CFAP107: variants seen among roughly 807,000 people sequenced by gnomAD.
CFAP107 encodes the protein cilia and flagella associated protein 107, also known as cilia- and flagella-associated protein 107.
the CFAP107 span, chr1:12,746,218 CAAGA>C: frequency 7.0e-6 from 3 of 429,964 alleles, no homozygotes; most frequent in South Asian, 7.2e-5. Flanking sequence ...GTAGAGAATC[CAAGA>C]TAGATCAACT....
chr1:12,750,747 G>A, the CFAP107 span, among the ~76,000 whole-genome samples: 1 of 152,058 alleles, frequency 6.6e-6, no homozygotes, highest in African/African-American at 2.4e-5. Context: ...GGACAGAATT[G>A]AAGGGAGAAA....
the CFAP107 span, among the ~76,000 whole-genome samples, chr1:12,749,781 T>C: frequency 6.6e-6 from 1 of 152,218 alleles, no homozygotes; most frequent in Non-Finnish European, 1.5e-5. Flanking sequence ...GAGGGAGATG[T>C]TAAGACATTC....
chr1:12,759,238 T>C, the CFAP107 span: 1 of 1,547,272 alleles, frequency 6.5e-7, no homozygotes, highest in Non-Finnish European at 8.8e-7. Flanking sequence ...ATGTGGCAGC[T>C]CCTGTCTCCA....
the CFAP107 span, chr1:12,759,684 C>T: frequency 2.9e-6 from 2 of 681,868 alleles, no homozygotes; most frequent in African/African-American, 1.8e-5. Context: ...CTGGGGTAAT[C>T]TTGGCTGTGT....
chr1:12,760,825 C>T, the CFAP107 span: 3 of 1,614,206 alleles, frequency 1.9e-6, no homozygotes, highest in Non-Finnish European at 1.7e-6. Context: ...AGCTCACACC[C>T]AAGGCTGGCC....
At chr1:12,755,665 C>A in the CFAP107 span, 1 of 1,444,276 alleles carries the variant, frequency 6.9e-7, no homozygotes, top group Non-Finnish European at 9.7e-7. Context: ...GAAGTGGCAT[C>A]TCAGAGGTTT....
chr1:12,752,445 C>T, the CFAP107 span, among the ~76,000 whole-genome samples: 21 of 148,920 alleles, frequency 1.4e-4, no homozygotes, highest in South Asian at 3.4e-3. Context: ...ATTAGCTGGG[C>T]ATAGTGGCAT....
At chr1:12,747,924 C>T in the CFAP107 span, among the ~76,000 whole-genome samples, 3 of 152,112 alleles carry the variant, frequency 2.0e-5, no homozygotes, top group African/African-American at 7.2e-5. Flanking sequence ...TCTCATTCCC[C>T]ATGGAAACAT....
chr1:12,753,061 T>C, the CFAP107 span, among the ~76,000 whole-genome samples: 1 of 152,202 alleles, frequency 6.6e-6, no homozygotes, highest in Non-Finnish European at 1.5e-5. Context: ...AAGTTGATTG[T>C]GTTTGTAAAC....
chr1:12,747,169 G>C, the CFAP107 span, among the ~76,000 whole-genome samples: 1 of 151,862 alleles, frequency 6.6e-6, no homozygotes, highest in Non-Finnish European at 1.5e-5. Context: ...CCAGGCTCAA[G>C]CGATTCTCTT....
the CFAP107 span, chr1:12,761,788 G>T: frequency 1.3e-5 from 2 of 152,314 alleles, no homozygotes. Context: ...GCCTGCCTCG[G>T]CCTCCCAAAG....
the CFAP107 span, among the ~76,000 whole-genome samples, chr1:12,756,298 A>G: frequency 1.3e-5 from 2 of 152,250 alleles, no homozygotes; most frequent in Non-Finnish European, 2.9e-5. Flanking sequence ...TGTTGGAAGC[A>G]GAGAGCAGGG....
the CFAP107 span, chr1:12,753,489 C>G: frequency 1.3e-5 from 2 of 151,834 alleles, no homozygotes; most frequent in African/African-American, 4.8e-5. Flanking sequence ...CTACAGTAAT[C>G]AAGACAGTGT....
At chr1:12,755,230 C>T in the CFAP107 span, among the ~76,000 whole-genome samples, 14 of 152,162 alleles carry the variant, frequency 9.2e-5, no homozygotes, top group Admixed American at 6.5e-4. Flanking sequence ...CATGGCAAAA[C>T]GCCCTCTCTT....
chr1:12,749,785 G>A, the CFAP107 span, among the ~76,000 whole-genome samples: 1 of 152,142 alleles, frequency 6.6e-6, no homozygotes, highest in Non-Finnish European at 1.5e-5. Flanking sequence ...GAGATGTTAA[G>A]ACATTCCCAG....
the CFAP107 span, among the ~76,000 whole-genome samples, chr1:12,748,124 C>A: frequency 4.6e-5 from 7 of 152,168 alleles, no homozygotes; most frequent in Non-Finnish European, 8.8e-5. Flanking sequence ...GGGTAAGTGG[C>A]AGCTCGGCTC....
At chr1:12,763,368 G>A in the CFAP107 span, 5 of 152,280 alleles carry the variant, frequency 3.3e-5, no homozygotes, top group African/African-American at 1.2e-4. Context: ...GAGAGCAACG[G>A]GCAGGGGTTG....
the CFAP107 span, chr1:12,763,440 G>T: frequency 6.6e-6 from 1 of 151,948 alleles, no homozygotes. Flanking sequence ...GGTAGGTCAA[G>T]GCCAGAAAGC....
chr1:12,759,197 C>T, the CFAP107 span: 11 of 1,245,338 alleles, frequency 8.8e-6, no homozygotes, highest in East Asian at 1.2e-4. Flanking sequence ...CACGGATGCC[C>T]GCTCTCTCCA....
Sources: allele counts gnomAD v4.1 joint callset (sites outside exome capture counted in the v4.1 genomes callset), GRCh38; gene constraint gnomAD v4.1.1; transcripts MANE v1.5; gene names NCBI Gene and HGNC (gene_info 2026-07-23, HGNC 2026-07-21).